The following SORT1 variants were observed in gnomAD, a reference collection of about 807,000 sequenced individuals.
The protein encoded by SORT1 is sortilin 1.
A neutral mutation model predicts 101.7 loss-of-function variants in SORT1; 39 were observed. The observed-to-expected ratio is 0.38, with a 90% CI of 0.30 to 0.50. SORT1 has a LOEUF of 0.50. Among genes scored for constraint, SORT1 ranks in the 20% least tolerant of loss-of-function variants. SORT1 has a pLI of 0.90. For missense variants in SORT1, 878 were observed against 1,040.4 expected (o/e 0.84, Z 2.15); for synonymous variants, 396 against 393.7 (o/e 1.01, Z -0.07).
At chr1:109,321,066 T>C (rs964637518) in intron 15 of SORT1, among the ~76,000 whole-genome samples, 1 of 152,130 alleles carries the variant, frequency 6.6e-6, no homozygotes, top group Non-Finnish European at 1.5e-5. Context: ...TGTTGCGAGG[T>C]TAAATGTAAA....
chr1:109,393,183 AGAGCT>A, intron 1 of SORT1: 2 of 985,494 alleles, frequency 2.0e-6, no homozygotes, highest in Non-Finnish European at 2.4e-6. Context: ...CATTCTTCCC[AGAGCT>A]GACACCCCAT....
Position 109,326,592 on chromosome 1 carries a change from T to C in SORT1, c.1643+400A>G, listed in dbSNP as rs970598350. Among the ~76,000 whole-genome samples, 85 of 146,972 alleles carry C rather than the reference T, an allele frequency of 5.8e-4. 2 individuals carry two copies. Among genetic ancestry groups the C allele is most frequent in the Admixed American group, 6.9e-4 (10 of 14,588 alleles). Reference sequence around the variant, plus strand: ...ACACATACATATATACACACACACATATATATATATATGGTTTTTTTTTTG... The same window carrying C: ...ACACATACATATATACACACACACACATATATATATATGGTTTTTTTTTTG... On this transcript the variant is annotated intron_variant, in intron 13 of 19. Coordinates refer to ENST00000256637, the MANE Select transcript of SORT1 (RefSeq NM_002959.7).
chr1:109,344,352 A>G (rs1327575214), intron 8 of SORT1, among the ~76,000 whole-genome samples: 2 of 152,202 alleles, frequency 1.3e-5, no homozygotes, highest in Non-Finnish European at 2.9e-5. Flanking sequence ...ACACAAGAAG[A>G]GTAAGGCCCA....
chr1:109,360,850 C>A (rs895283672), intron 3 of SORT1, among the ~76,000 whole-genome samples: 1 of 152,140 alleles, frequency 6.6e-6, no homozygotes, highest in African/African-American at 2.4e-5. Context: ...GAGGAGGCAG[C>A]CTTGGTGATC....
At chr1:109,334,848 A>G (rs1240191721) in intron 11 of SORT1, among the ~76,000 whole-genome samples, 2 of 152,248 alleles carry the variant, frequency 1.3e-5, no homozygotes, top group Non-Finnish European at 2.9e-5. Context: ...GTATTGTCAG[A>G]AACTAGTTGA....
At chr1:109,390,743 A>G (rs1419041757) in intron 1 of SORT1, among the ~76,000 whole-genome samples, 3 of 150,284 alleles carry the variant, frequency 2.0e-5, no homozygotes, top group African/African-American at 7.5e-5. Context: ...CTTCAGTACA[A>G]TATTAGAAAG....
At position 109,397,679 on chromosome 1, in the gene SORT1, C is replaced by A; in HGVS notation, c.214G>T (p.Gly72Cys). The A allele has an allele frequency of 8.3e-7, 1 of 1,198,478 alleles. No individual in the cohort carries two copies. The highest frequency in any genetic ancestry group is 2.5e-5 in the South Asian group (1 of 40,702). The allele number at this position is 1,198,478 out of a possible 1,614,324, so 74.2% of individuals were successfully genotyped here. The change falls in exon 1 of 20, where the codon GGC (glycine) becomes TGC (cysteine). Residue 72 changes from glycine to cysteine, a missense_variant. By Grantham distance (159) the Gly-to-Cys change is radical. This residue lies in a region of SORT1 where 194 missense variants were observed against 145.9 expected (regional missense o/e 1.33). Transcript: ENST00000256637. ...AAAAGGAFPR[G>C]GRWRRSAPGE... ...GGCGCGCTGCGACGCCAACGGCCGC[C>A]GCGGGGAAACGCGCCCCCGGCTGCG... is the stretch of plus-strand genomic sequence containing the variant.
chr1:109,377,726 T>C (rs894936176), intron 1 of SORT1, among the ~76,000 whole-genome samples: 1 of 152,192 alleles, frequency 6.6e-6, no homozygotes, highest in Non-Finnish European at 1.5e-5. Context: ...GTCTGACTAC[T>C]GAGATTTAAG....
At chr1:109,349,219 C>T (rs1649809905) in intron 6 of SORT1, among the ~76,000 whole-genome samples, 1 of 152,020 alleles carries the variant, frequency 6.6e-6, no homozygotes, top group Admixed American at 6.6e-5. Context: ...GTGGCACATG[C>T]CTGTAATCCC....
intron 1 of SORT1, among the ~76,000 whole-genome samples, chr1:109,390,462 A>G (rs1652829116): frequency 6.6e-6 from 1 of 152,202 alleles, no homozygotes; most frequent in Admixed American, 6.5e-5. Flanking sequence ...ACAACTGTAA[A>G]GACCACTGAA....
chr1:109,384,012 A>G (rs533457899), intron 1 of SORT1, among the ~76,000 whole-genome samples: 1 of 152,324 alleles, frequency 6.6e-6, no homozygotes, highest in East Asian at 1.9e-4. Flanking sequence ...TAGAATGACA[A>G]TCTTTCCAGT....
intron 1 of SORT1, among the ~76,000 whole-genome samples, chr1:109,383,896 G>C (rs1214011720): frequency 6.6e-6 from 1 of 152,184 alleles, no homozygotes; most frequent in African/African-American, 2.4e-5. Flanking sequence ...ATACAGAGGA[G>C]AGTACCAGGC....
chr1:109,356,100 A>G (rs1376086110), intron 3 of SORT1, among the ~76,000 whole-genome samples: 1 of 152,100 alleles, frequency 6.6e-6, no homozygotes, highest in Non-Finnish European at 1.5e-5. Context: ...TTGACTCCCA[A>G]GCTCAAAGTG....
intron 1 of SORT1, among the ~76,000 whole-genome samples, chr1:109,370,014 T>C (rs150886213): frequency 1.4e-3 from 216 of 152,352 alleles, no homozygotes; most frequent in Middle Eastern, 6.8e-3. Flanking sequence ...CTTTACAGTA[T>C]AGCTGAAAAG....
In SORT1 at chr1:109,345,811, C is replaced by A; in HGVS notation, c.903G>T (p.Val301=). The A allele has an allele frequency of 6.2e-7, 1 of 1,613,786 alleles. No homozygotes were observed. Among genetic ancestry groups the A allele is most frequent in the Non-Finnish European group, 8.5e-7 (1 of 1,179,682 alleles). ...CCCCAAGACCAAATGAGTAGATTTT[C>A]ACACCAATAGTTTTGAAGCTTTTTC... The part of the protein sequence containing the change: ...DLGKSFKTIG[V]KIYSFGLGGR... Residue 301 remains valine, a synonymous_variant, in exon 8 of 20, where the codon GTG becomes GTT. Coordinates refer to ENST00000256637, the MANE Select transcript of SORT1 (RefSeq NM_002959.7).
intron 16 of SORT1, among the ~76,000 whole-genome samples, chr1:109,317,556 C>T (rs72646583): frequency 6.0e-4 from 92 of 152,292 alleles, no homozygotes; most frequent in African/African-American, 2.0e-3. Flanking sequence ...GTGGGTCCCT[C>T]GCCTCTCCTC....
chr1:109,354,578 G>A, intron 4 of SORT1, 47 bp from the exon 5 acceptor site: 3 of 1,417,044 alleles, frequency 2.1e-6, no homozygotes, highest in Non-Finnish European at 2.9e-6. Context: ...TACTATCTAT[G>A]CAAGCACAGG....
rs750002708 is a variant in SORT1, at chr1:109,354,423, T to C, written c.652A>G (p.Thr218Ala). The C allele has an allele frequency of 6.2e-7, 1 of 1,613,384 alleles. No homozygotes were observed. Among genetic ancestry groups the C allele is most frequent in the Admixed American group, 1.7e-5 (1 of 60,008 alleles). The change falls in exon 5 of 20, where the codon ACT becomes GCT. Residue 218 changes from threonine (T) to alanine (A), a missense_variant. This residue lies in a region of SORT1 where 684 missense variants were observed against 894.5 expected (regional missense o/e 0.76). Coordinates refer to ENST00000256637, the MANE Select transcript of SORT1 (RefSeq NM_002959.7). The stretch of plus-strand genomic sequence containing the variant: ...TTCTGAGGGCTATACATCATCTGAG[T>C]GAGAGGATGAAAAGGGAGATCTGTT... ...VQTDLPFHPL[T>A]QMMYSPQNSD...
chr1:109,384,932 G>A (rs1652479653), intron 1 of SORT1, among the ~76,000 whole-genome samples: 2 of 152,252 alleles, frequency 1.3e-5, no homozygotes, highest in African/African-American at 4.8e-5. Flanking sequence ...GCAAAAATTA[G>A]CCAGGTGTGG....
Sources: allele counts gnomAD v4.1 joint callset (sites outside exome capture counted in the v4.1 genomes callset), GRCh38; gene constraint gnomAD v4.1.1; regional missense constraint gnomAD v4.1.1; transcripts MANE v1.5; gene names NCBI Gene and HGNC (gene_info 2026-07-23, HGNC 2026-07-21).